GPC3: variants seen among roughly 807,000 people sequenced by gnomAD.
GPC3 encodes the protein glypican 3.
In GPC3, 3 loss-of-function variants were observed where a neutral mutation model predicts 34.4. The observed-to-expected ratio is 0.09, with a 90% CI of 0.04 to 0.23. The LOEUF (loss-of-function observed/expected upper bound fraction) is 0.23, where lower values mean the gene tolerates loss of function less well. Ranked by LOEUF, GPC3 falls within the 10% of genes least tolerant of loss-of-function variation. The pLI is 1.00. For missense variants in GPC3, 351 were observed against 445.6 expected, an observed-to-expected ratio of 0.79 and a Z score of 1.91; for synonymous variants, 177 against 174.0, an observed-to-expected ratio of 1.02 and a Z score of -0.13.
At chrX:133,925,255 G>A (rs921186323) in intron 2 of GPC3, among the ~76,000 whole-genome samples, 3 of 109,756 alleles carry the variant, frequency 2.7e-5, no homozygotes, top group Non-Finnish European at 3.8e-5. Context: ...TATGATAGGG[G>A]TACTGGGCTG....
intron 3 of GPC3, among the ~76,000 whole-genome samples, chrX:133,738,524 A>G (rs773485273): frequency 6.2e-4 from 69 of 112,152 alleles, no homozygotes; most frequent in Non-Finnish European, 1.2e-3. Context: ...AAAGATTTGT[A>G]ATAGACATCT....
At chrX:133,661,612 C>T (rs2070722574) in intron 6 of GPC3, 118 bp downstream of exon 6, 1 of 28,810 alleles carries the variant, frequency 3.5e-5, no homozygotes, top group Non-Finnish European at 5.9e-5. Flanking sequence ...CTCTCTCTCT[C>T]TCTCTCTCTC....
chrX:133,889,630 A>AT (rs1457764885), intron 2 of GPC3, among the ~76,000 whole-genome samples: 134 of 103,596 alleles, frequency 1.3e-3, no homozygotes, highest in African/African-American at 2.8e-3. Context: ...TATTTTTTCT[A>AT]TTTTTTTTTT....
chrX:133,806,927 C>T (rs1001193275), intron 2 of GPC3, among the ~76,000 whole-genome samples: 2 of 111,669 alleles, frequency 1.8e-5, no homozygotes, highest in Non-Finnish European at 3.8e-5. Flanking sequence ...GGATTACAGG[C>T]GTGAGCCACC....
At chrX:133,783,740 C>T (rs1256159742) in intron 2 of GPC3, among the ~76,000 whole-genome samples, 1 of 112,086 alleles carries the variant, frequency 8.9e-6, no homozygotes, top group African/African-American at 3.2e-5. Flanking sequence ...TCAGAGGAGC[C>T]ATACCATTGC....
intron 5 of GPC3, chrX:133,671,159 G>A (rs372584911): frequency 1.7e-5 from 19 of 1,087,268 alleles, no homozygotes; most frequent in Middle Eastern, 3.5e-4. Flanking sequence ...CTTTGTATTT[G>A]GATTCAGAAC....
intron 2 of GPC3, among the ~76,000 whole-genome samples, chrX:133,909,233 C>T (rs766440515): frequency 2.0e-4 from 23 of 112,515 alleles, no homozygotes; most frequent in Non-Finnish European, 1.3e-4. Flanking sequence ...ACATTGAATC[C>T]GCTGATCAAC....
chrX:133,833,709 C>T (rs904840910), intron 2 of GPC3, among the ~76,000 whole-genome samples: 2 of 112,177 alleles, frequency 1.8e-5, no homozygotes, highest in East Asian at 2.8e-4. Flanking sequence ...ATGCACTGAC[C>T]GCCTATTAAA....
intron 2 of GPC3, among the ~76,000 whole-genome samples, chrX:133,926,206 T>C (rs779759955): frequency 8.9e-6 from 1 of 112,050 alleles, no homozygotes; most frequent in East Asian, 2.8e-4. Flanking sequence ...GTAAATTAAC[T>C]CATGAAAAGA....
intron 2 of GPC3, among the ~76,000 whole-genome samples, chrX:133,951,652 T>C (rs1296755411): frequency 8.9e-6 from 1 of 112,024 alleles, no homozygotes; most frequent in African/African-American, 3.2e-5. Flanking sequence ...AAAATCTGTC[T>C]AAATTATTCA....
intron 6 of GPC3, among the ~76,000 whole-genome samples, chrX:133,632,231 C>G (rs1354971132): frequency 9.0e-6 from 1 of 111,159 alleles, no homozygotes; most frequent in Non-Finnish European, 1.9e-5. Flanking sequence ...TCCCAAGTAG[C>G]TAGGATTATA....
chrX:133,735,976 A>T, intron 3 of GPC3, among the ~76,000 whole-genome samples: 1 of 102,874 alleles, frequency 9.7e-6, no homozygotes, highest in Non-Finnish European at 2.0e-5. Context: ...AAAAAAAAAA[A>T]GTAAATCATG....
chrX:133,909,711 C>G (rs867019691), intron 2 of GPC3, among the ~76,000 whole-genome samples: 12 of 111,106 alleles, frequency 1.1e-4, no homozygotes, highest in African/African-American at 3.9e-4. Context: ...AAACCTATTC[C>G]CTCAAACCAT....
intron 5 of GPC3, among the ~76,000 whole-genome samples, chrX:133,681,174 T>C (rs1371711836): frequency 8.9e-6 from 1 of 111,821 alleles, no homozygotes; most frequent in Non-Finnish European, 1.9e-5. Flanking sequence ...CCAGGCACTA[T>C]ACTCTGCACT....
At chrX:133,620,238 A>G (rs2070218007) in intron 6 of GPC3, among the ~76,000 whole-genome samples, 1 of 108,056 alleles carries the variant, frequency 9.3e-6, no homozygotes, top group Non-Finnish European at 1.9e-5. Flanking sequence ...AAAAAAAAAA[A>G]AATTCTACTC....
At chrX:133,751,074 AAAATAAATAAAT>A (rs60283835) in intron 3 of GPC3, among the ~76,000 whole-genome samples, 921 of 88,591 alleles carry the variant, frequency 0.01, 8 homozygotes, top group African/African-American at 0.028. Flanking sequence ...CTCTGTCTCA[AAAATAAATAAAT>A]AAATAAATAA....
intron 2 of GPC3, among the ~76,000 whole-genome samples, chrX:133,878,886 A>C (rs938897844): frequency 1.8e-5 from 2 of 112,017 alleles, no homozygotes; most frequent in Non-Finnish European, 1.9e-5. Flanking sequence ...ACATGTATCT[A>C]TCTCTCTCAT....
In GPC3 at chrX:133,862,663, C is replaced by A. The variant is rs183365092; in HGVS notation, c.337+90387G>T. Among the ~76,000 whole-genome samples, 11 of 110,021 alleles carry A rather than the reference C, an allele frequency of 1.0e-4. No homozygotes were observed. In the East Asian group the frequency reaches 3.1e-3, roughly 31 times the overall value. On this transcript the variant is annotated intron_variant, in intron 2 of 7. Coordinates refer to ENST00000370818, the MANE Select transcript of GPC3 (RefSeq NM_004484.4). ...CGAGATCGCACCACTGCACTCCAGC[C>A]TGGGCAACAGAGCAAGACTCCATCT... is the stretch of plus-strand genomic sequence containing the variant.
chrX:133,650,494 A>T (rs1569405705), intron 6 of GPC3, among the ~76,000 whole-genome samples: 2 of 108,965 alleles, frequency 1.8e-5, no homozygotes, highest in African/African-American at 3.4e-5. Flanking sequence ...CACACATATA[A>T]AAAATCGTCT....
Sources: allele counts gnomAD v4.1 joint callset (sites outside exome capture counted in the v4.1 genomes callset), GRCh38; gene constraint gnomAD v4.1.1; transcripts MANE v1.5; gene names NCBI Gene and HGNC (gene_info 2026-07-23, HGNC 2026-07-21).